Variants in SLC35E3 observed in about 807,000 individuals in gnomAD.
SLC35E3 encodes the protein bladder cancer-overexpressed gene 1 protein.
SLC35E3 carries 28 observed loss-of-function variants against 30.8 expected under a neutral mutation model. The observed-to-expected ratio is 0.91, with a 90% confidence interval of 0.67 to 1.25. The LOEUF (loss-of-function observed/expected upper bound fraction) is 1.25. Among genes scored for constraint, SLC35E3 ranks in the 50% most tolerant of loss-of-function variants. The pLI, the probability that SLC35E3 is intolerant of heterozygous loss-of-function variation, is 0.00. For missense variants in SLC35E3, 365 were observed against 375.4 expected (o/e 0.97, Z 0.23); for synonymous variants, 146 against 149.2 (o/e 0.98, Z 0.16).
chr12:68,774,833 AAAAAAGATAAAAT>A lies in SLC35E3; in HGVS notation c.*9948_*9960del. ...ATGCCCTATCTCTTAAAAAAAAAAA[AAAAAAGATAAAAT>A]AAAAGAAATTGGGTCTTGTGGCCAG... On this transcript the variant is annotated 3_prime_UTR_variant, in exon 5 of 5. Coordinates refer to ENST00000398004, the MANE Select transcript of SLC35E3 (RefSeq NM_018656.5). The A allele has an allele frequency of 7.4e-6, 1 of 135,586 alleles. No individual in the cohort carries two copies. Among genetic ancestry groups the A allele is most frequent in the South Asian group, 2.3e-4 (1 of 4,394 alleles). The allele number at this position is 135,586 out of a possible 1,614,324, so 8.4% of individuals were successfully genotyped here. A position where few individuals can be genotyped will look rare whatever the true frequency, so the allele number is the denominator to read the frequency against.
At chr12:68,754,158 T>G (rs1187354280) in intron 3 of SLC35E3, among the ~76,000 whole-genome samples, 3 of 152,018 alleles carry the variant, frequency 2.0e-5, no homozygotes, top group African/African-American at 7.2e-5. Flanking sequence ...TCTGTTTCTT[T>G]GACAAAAGTG....
intron 3 of SLC35E3, among the ~76,000 whole-genome samples, chr12:68,753,457 A>G (rs1333888172): frequency 6.6e-6 from 1 of 151,962 alleles, no homozygotes; most frequent in Non-Finnish European, 1.5e-5. Context: ...TGTCTCAAAA[A>G]AAAAAACCAA....
intron 1 of SLC35E3, 71 bp downstream of exon 1, chr12:68,746,850 A>G: frequency 7.0e-7 from 1 of 1,426,450 alleles, no homozygotes; most frequent in East Asian, 2.3e-5. Context: ...GGAAATTCGA[A>G]CGCACACTGG....
chr12:68,746,893 T>A (rs1253919156), intron 1 of SLC35E3, 114 bp downstream of exon 1: 3 of 1,171,258 alleles, frequency 2.6e-6, no homozygotes, highest in East Asian at 4.9e-5. Context: ...CACAAATGAG[T>A]CATCTGTGGG....
rs1341222750 is a variant in SLC35E3, at chr12:68,779,527, A to G, written c.*14637A>G. 1 of 152,200 alleles carries G rather than the reference A, an allele frequency of 6.6e-6. No homozygotes were observed. Among genetic ancestry groups the G allele is most frequent in the Non-Finnish European group, 1.5e-5 (1 of 68,042 alleles). 9.4% of individuals were successfully genotyped at this position (152,200 alleles called of 1,614,324 possible). On this transcript the variant is annotated 3_prime_UTR_variant, in exon 5 of 5. Transcript: ENST00000398004. ...GTCTGACCCAAAATATGTGGCTGGA[A>G]CCAGAAAGGATATAAGCATGGTTTG...
intron 2 of SLC35E3, among the ~76,000 whole-genome samples, chr12:68,748,729 G>A (rs1383826786): frequency 6.6e-6 from 1 of 152,200 alleles, no homozygotes; most frequent in Non-Finnish European, 1.5e-5. Flanking sequence ...GTAGGGGACA[G>A]TGAAACGGTA....
chr12:68,746,408 C>T lies in SLC35E3; in HGVS notation c.31C>T (p.His11Tyr). Reference sequence around the variant, plus strand: ...ATTGCTGGTGGACCGAGTGCGGGGCCACTGGCGAATCGCCGCCGGGCTCCT... The same window carrying T: ...ATTGCTGGTGGACCGAGTGCGGGGCTACTGGCGAATCGCCGCCGGGCTCCT... Reference protein sequence around the residue: MALLVDRVRGHWRIAAGLLFN... With the variant: MALLVDRVRGYWRIAAGLLFN... The change falls in exon 1 of 5, where the codon CAC (histidine) becomes TAC (tyrosine). Residue 11 changes from histidine to tyrosine, a missense_variant. By Grantham distance (83) the His-to-Tyr change is moderately conservative (BLOSUM62 2). Coordinates refer to ENST00000398004, the MANE Select transcript of SLC35E3 (RefSeq NM_018656.5). The T allele has an allele frequency of 6.2e-7, 1 of 1,606,706 alleles. No individual in the cohort carries two copies. The highest frequency in any genetic ancestry group is 1.3e-5 in the African/African-American group (1 of 74,988).
chr12:68,750,575 G>A (rs764859069), intron 2 of SLC35E3, among the ~76,000 whole-genome samples: 6 of 152,220 alleles, frequency 3.9e-5, no homozygotes, highest in Non-Finnish European at 8.8e-5. Context: ...GAGGGGTGGT[G>A]GCAGGAGCCA....
chr12:68,764,802 T>G lies in SLC35E3; in HGVS notation c.854T>G (p.Leu285Ter). 6.2e-7 allele frequency: 1 copy of G among 1,614,198 alleles called. No homozygotes were observed. The highest frequency in any genetic ancestry group is 8.5e-7 in the Non-Finnish European group (1 of 1,180,040). ...PLSINQALGILCTLFGILAYT... is the reference protein window; with the variant it reads ...PLSINQALGI ...TCCATTAATCAGGCCCTTGGCATTT[T>G]ATGTACATTATTTGGCATTCTCGCC... is the stretch of plus-strand genomic sequence containing the variant. Residue 285 changes from leucine (L) to a stop codon, truncating the protein, a stop_gained, in exon 5 of 5, where the codon TTA becomes TGA. Coordinates refer to ENST00000398004, the MANE Select transcript of SLC35E3 (RefSeq NM_018656.5). LOFTEE classifies it high-confidence loss of function.
At position 68,746,790 on chromosome 12, in the gene SLC35E3, T is replaced by G; in HGVS notation, c.402+11T>G. 1 of 1,552,338 alleles carries G rather than the reference T, an allele frequency of 6.4e-7. No individual in the cohort carries two copies. The highest frequency in any genetic ancestry group is 1.4e-5 in the African/African-American group (1 of 73,032). Reference sequence around the variant, plus strand: ...ATCCAGCTCACGCTGGTGAGTAGCTTCAGCTTCCCAAGGCGCCGCTCTCCC... The same window carrying G: ...ATCCAGCTCACGCTGGTGAGTAGCTGCAGCTTCCCAAGGCGCCGCTCTCCC... On this transcript the variant is annotated intron_variant, in intron 1 of 4. Transcript: ENST00000398004.
chr12:68,764,928 G>A lies in SLC35E3; in HGVS notation c.*38G>A. 1 of 1,573,840 alleles carries A rather than the reference G, an allele frequency of 6.4e-7. No homozygotes were observed. The highest frequency in any genetic ancestry group is 2.3e-5 in the East Asian group (1 of 44,042). ...GGAGAAAAGAATGTTGTCCCAAGAAGATAAAAAATATTGTTAAGTGTGCAA... is the reference window on the plus strand; with the variant it reads ...GGAGAAAAGAATGTTGTCCCAAGAAAATAAAAAATATTGTTAAGTGTGCAA... On this transcript the variant is annotated 3_prime_UTR_variant, in exon 5 of 5. Transcript: ENST00000398004.
intron 3 of SLC35E3, among the ~76,000 whole-genome samples, chr12:68,754,344 C>T (rs900474644): frequency 2.6e-5 from 4 of 152,012 alleles, no homozygotes; most frequent in African/African-American, 9.7e-5. Context: ...AGTGCAGTGG[C>T]GTGATCTCTG....
Position 68,764,922 on chromosome 12 carries a change from C to A in SLC35E3, c.*32C>A. On this transcript the variant is annotated 3_prime_UTR_variant, in exon 5 of 5. Transcript: ENST00000398004. The stretch of plus-strand genomic sequence containing the variant: ...TTTTGTGGAGAAAAGAATGTTGTCC[C>A]AAGAAGATAAAAAATATTGTTAAGT... 1.9e-6 allele frequency: 3 copies of A among 1,584,272 alleles called. No homozygotes were observed. The highest frequency in any genetic ancestry group is 2.3e-5 in the South Asian group (2 of 87,742).
chr12:68,765,655 TACATATATAC>T lies in SLC35E3; in HGVS notation c.*779_*788del, dbSNP rs1452358849. 7 of 150,832 alleles carry T rather than the reference TACATATATAC, an allele frequency of 4.6e-5. No homozygotes were observed. Among genetic ancestry groups the T allele is most frequent in the East Asian group, 1.9e-4 (1 of 5,162 alleles). The allele number at this position is 150,832 out of a possible 1,614,324, so 9.3% of individuals were successfully genotyped here. A position where few individuals can be genotyped will look rare whatever the true frequency, so the allele number is the denominator to read the frequency against. ...ATATATGTGTGTGTGTGTGTGTGTA[TACATATATAC>T]ACATATATACACACACACATACATA... On this transcript the variant is annotated 3_prime_UTR_variant, in exon 5 of 5. Transcript: ENST00000398004.
At chr12:68,753,677 C>A (rs1878890175) in intron 3 of SLC35E3, among the ~76,000 whole-genome samples, 1 of 151,888 alleles carries the variant, frequency 6.6e-6, no homozygotes, top group African/African-American at 2.4e-5. Flanking sequence ...CCTTCCTAGC[C>A]ACACACTCTT....
rs1320078932 is a variant in SLC35E3, at chr12:68,754,197, C to T, written c.672+2007C>T. Among the ~76,000 whole-genome samples, 3 of 152,074 alleles carry T rather than the reference C, an allele frequency of 2.0e-5. No individual in the cohort carries two copies. The East Asian group carries it at 5.8e-4, about 29-fold the overall frequency. On this transcript the variant is annotated intron_variant, in intron 3 of 4. Transcript: ENST00000398004. The stretch of plus-strand genomic sequence containing the variant: ...TCCTATTACATATGCTTTTCTGTAT[C>T]TTGCTTTTCTGACTTAATAATATCT...
chr12:68,757,095 T>A (rs1440440047), intron 3 of SLC35E3, among the ~76,000 whole-genome samples: 2 of 152,190 alleles, frequency 1.3e-5, no homozygotes, highest in Non-Finnish European at 2.9e-5. Context: ...GCTTTATGAT[T>A]AAAACCCTTG....
chr12:68,758,729 CTTTTTTTTTTTTTTTTTTTTT>C (rs776771224), intron 3 of SLC35E3, among the ~76,000 whole-genome samples: 1 of 48,378 alleles, frequency 2.1e-5, no homozygotes, highest in South Asian at 1.4e-3. Flanking sequence ...AATTCTCTTT[CTTTTTTTTTTTTTTTTTTTTT>C]TTTTTTTTTG....
rs547628461 is a variant in SLC35E3, at chr12:68,766,728, G to T, written c.*1838G>T. On this transcript the variant is annotated 3_prime_UTR_variant, in exon 5 of 5. Coordinates refer to ENST00000398004, the MANE Select transcript of SLC35E3 (RefSeq NM_018656.5). ...ACCTCCCCAGTAGCTGGGACTACAG[G>T]TGCACACCAACATACCTGGCTGATT... is the stretch of plus-strand genomic sequence containing the variant. 7.4e-5 allele frequency: 33 copies of T among 446,794 alleles called. No individual in the cohort carries two copies. The highest frequency in any genetic ancestry group is 1.4e-4 in the Non-Finnish European group (32 of 223,986). The allele number at this position is 446,794 out of a possible 1,614,324, so 27.7% of individuals were successfully genotyped here.
Sources: gnomAD v4.1 joint callset for allele counts (sites outside exome capture counted in the v4.1 genomes callset) on GRCh38, gnomAD v4.1.1 for gene constraint, MANE v1.5 for transcripts, NCBI Gene and HGNC (gene_info 2026-07-23, HGNC 2026-07-21) for gene names.